The following ELP6 variants were observed in gnomAD, a reference collection of about 807,000 sequenced individuals.
ELP6 encodes elongator complex protein 6.
ELP6 carries 23 observed loss-of-function variants against 28.1 expected under a neutral mutation model. The observed-to-expected ratio is 0.82, with a 90% CI of 0.59 to 1.16. The LOEUF (loss-of-function observed/expected upper bound fraction) is 1.16, where lower values mean the gene tolerates loss of function less well. Ranked by LOEUF, ELP6 falls within the 50% of genes most tolerant of loss-of-function variation. The probability of loss-of-function intolerance (pLI) is 0.00; values close to 1 mark genes in which losing one functional copy is unlikely to be tolerated. For synonymous variants in ELP6, 132 were observed against 135.8 expected (o/e 0.97, Z 0.19); for missense variants, 313 against 334.6 (o/e 0.94, Z 0.50).
chr3:47,499,972 G>A, intron 5 of ELP6: 1 of 1,349,402 alleles, frequency 7.4e-7, no homozygotes, highest in South Asian at 1.2e-5. Context: ...CCAAGTTTGA[G>A]GGGAAGCTGC....
chr3:47,498,349 C>T lies in ELP6; in HGVS notation c.609G>A (p.Gln203=). 1.2e-6 allele frequency: 2 copies of T among 1,613,838 alleles called. No individual in the cohort carries two copies. The highest frequency in any genetic ancestry group is 1.7e-6 in the Non-Finnish European group (2 of 1,180,044). ...NDILLNGLSH[Q]SHLILRAEGL... Reference sequence around the variant, plus strand: ...CCTCAGCCCGCAGTATCAGATGGCTCTGATGACTGAGGCCATTCAGCAGGA... The same window carrying T: ...CCTCAGCCCGCAGTATCAGATGGCTTTGATGACTGAGGCCATTCAGCAGGA... The change falls in exon 6 of 7, where the codon CAG becomes CAA. Residue 203 remains glutamine (Q), a synonymous_variant. Transcript: ENST00000296149.
At chr3:47,496,721 T>C (rs1708491177) in intron 6 of ELP6, 2 of 906,088 alleles carry the variant, frequency 2.2e-6, no homozygotes, top group Admixed American at 1.2e-4. Flanking sequence ...TCTGGAACTC[T>C]GACCTCAGGT....
chr3:47,504,767 G>A (rs2108103022), intron 3 of ELP6: 1 of 413,540 alleles, frequency 2.4e-6, no homozygotes, highest in East Asian at 1.6e-4. Flanking sequence ...ACAAGCCTGG[G>A]CAACATGGCA....
chr3:47,505,652 A>T (rs973603701), intron 3 of ELP6, among the ~76,000 whole-genome samples: 1 of 152,042 alleles, frequency 6.6e-6, no homozygotes, highest in Non-Finnish European at 1.5e-5. Context: ...GCTCACTGCA[A>T]CCTCCGCCTC....
chr3:47,507,773 G>C (rs1420326818), intron 3 of ELP6, among the ~76,000 whole-genome samples: 2 of 152,136 alleles, frequency 1.3e-5, no homozygotes, highest in Admixed American at 1.3e-4. Flanking sequence ...AATAGCTGCA[G>C]CTGACAGGGA....
In ELP6 at chr3:47,508,022, C is replaced by T. The variant is rs149027988; in HGVS notation, c.204+2162G>A. Among the ~76,000 whole-genome samples, 222 of 96,464 alleles carry T rather than the reference C, an allele frequency of 2.3e-3. 2 individuals are homozygous for T. The highest frequency in any genetic ancestry group is 7.4e-3 in the African/African-American group (210 of 28,404). 63.3% of individuals were successfully genotyped at this position (96,464 alleles called of 152,430 possible). A position where few individuals can be genotyped will look rare whatever the true frequency, so the allele number is the denominator to read the frequency against. ...ATCCAGTGGCCATAAAGCCATGCTG[C>T]AGAGCCCTGGAATGCAACATTATTT... On this transcript the variant is annotated intron_variant, in intron 3 of 6. Transcript: ENST00000296149.
intron 1 of ELP6, chr3:47,511,731 T>G: frequency 1.1e-6 from 1 of 891,760 alleles, no homozygotes; most frequent in Middle Eastern, 5.7e-4. Context: ...ATAACAAAGT[T>G]CACCCAATGG....
At position 47,511,157 on chromosome 3, in the gene ELP6, A is replaced by G. The variant is rs1456977490; in HGVS notation, c.124T>C (p.Tyr42His). Reference sequence around the variant, plus strand: ...TCAATGAGTCCCATACCTTTGAGATAGAAGGAGAGAAAGTGGTGTACAAGG... The same window carrying G: ...TCAATGAGTCCCATACCTTTGAGATGGAAGGAGAGAAAGTGGTGTACAAGG... ...SFLVHHFLSF[Y>H]LKANCKVCFV... is the part of the protein sequence containing the mutation. Residue 42 changes from tyrosine to histidine, a missense_variant, in exon 2 of 7, where the codon TAT becomes CAT. By Grantham distance (83) the Tyr-to-His change is moderately conservative. Coordinates refer to ENST00000296149, the MANE Select transcript of ELP6 (RefSeq NM_001031703.3). The G allele has an allele frequency of 3.7e-6, 6 of 1,613,748 alleles. No individual in the cohort carries two copies. The highest frequency in any genetic ancestry group is 5.1e-6 in the Non-Finnish European group (6 of 1,179,778).
At chr3:47,499,380 A>T (rs889606407) in intron 5 of ELP6, among the ~76,000 whole-genome samples, 1 of 152,102 alleles carries the variant, frequency 6.6e-6, no homozygotes. Flanking sequence ...TTAGCCGGGC[A>T]TGGTGGCATG....
chr3:47,511,258 A>C lies in ELP6; in HGVS notation c.55-32T>G, dbSNP rs192324660. 3,124 of 1,609,832 alleles carry C rather than the reference A, an allele frequency of 1.9e-3. 43 individuals carry two copies. In the Admixed American group the frequency reaches 0.031, roughly 16 times the overall value. On this transcript the variant is annotated intron_variant, in intron 1 of 6. Transcript: ENST00000296149. The stretch of plus-strand genomic sequence containing the variant: ...GTTACAAGGAACACAAAAAGGTTAG[A>C]CTCCCTGGAAAGAGGTCAGCTTAGT...
At chr3:47,511,116 TTTC>T (rs1179471414) in intron 2 of ELP6, 29 bp downstream of exon 2, 12 of 1,584,956 alleles carry the variant, frequency 7.6e-6, no homozygotes, top group African/African-American at 1.4e-5. Context: ...CCATCTTGGG[TTTC>T]TTTTCTACAG....
chr3:47,510,100 T>C (rs1708971185), intron 3 of ELP6, 84 bp downstream of exon 3: 1 of 1,147,678 alleles, frequency 8.7e-7, no homozygotes, highest in Non-Finnish European at 1.3e-6. Flanking sequence ...TTCTGTACAA[T>C]GCAAACAGGA....
rs144398585 is a variant in ELP6 at position 47,510,692 on chromosome 3, G to A, written c.134-438C>T. Among the ~76,000 whole-genome samples, 151 of 152,246 alleles carry A rather than the reference G, an allele frequency of 9.9e-4. 3 individuals carry two copies. Among genetic ancestry groups the A allele is most frequent in the African/African-American group, 3.4e-3 (141 of 41,542 alleles). ...CCAGGCTGGTCTCGAATCCCTGGCCGCAGCTCATCCTCCCACCTGGGCCTC... is the reference window on the plus strand; with the variant it reads ...CCAGGCTGGTCTCGAATCCCTGGCCACAGCTCATCCTCCCACCTGGGCCTC... On this transcript the variant is annotated intron_variant, in intron 2 of 6. Transcript: ENST00000296149.
intron 6 of ELP6, chr3:47,496,806 C>G: frequency 1.0e-6 from 1 of 985,164 alleles, no homozygotes; most frequent in East Asian, 1.1e-4. Flanking sequence ...TTTGTTCTTT[C>G]TTCTAAGCAT....
At chr3:47,496,364 C>A in intron 6 of ELP6, 167 bp from the exon 7 acceptor site, 1 of 985,004 alleles carries the variant, frequency 1.0e-6, no homozygotes, top group Non-Finnish European at 1.2e-6. Context: ...CTATCACCAG[C>A]TAACTACAAA....
intron 3 of ELP6, among the ~76,000 whole-genome samples, chr3:47,509,674 C>G (rs1409097068): frequency 6.6e-6 from 1 of 152,182 alleles, no homozygotes; most frequent in South Asian, 2.1e-4. Context: ...GATTAATTAA[C>G]ATCTACAAAC....
At chr3:47,505,733 A>G (rs577855413) in intron 3 of ELP6, among the ~76,000 whole-genome samples, 2 of 152,214 alleles carry the variant, frequency 1.3e-5, no homozygotes, top group Non-Finnish European at 1.5e-5. Flanking sequence ...CACCACGCCC[A>G]GCTAATTTTT....
At chr3:47,500,226 AAAG>A in intron 5 of ELP6, 1 of 1,079,340 alleles carries the variant, frequency 9.3e-7, no homozygotes, top group South Asian at 2.5e-5. Flanking sequence ...TAAATGAAAA[AAAG>A]AAGTAGCGAA....
intron 5 of ELP6, chr3:47,500,068 G>T (rs1708602421): frequency 8.0e-6 from 10 of 1,257,696 alleles, no homozygotes; most frequent in South Asian, 1.4e-5. Context: ...CCTCATCCCA[G>T]AGCAGTGGGC....
Sources: gnomAD v4.1 joint callset for allele counts (sites outside exome capture counted in the v4.1 genomes callset) on GRCh38, gnomAD v4.1.1 for gene constraint, MANE v1.5 for transcripts, NCBI Gene and HGNC (gene_info 2026-07-23, HGNC 2026-07-21) for gene names.